KGD4: variants seen among roughly 807,000 people sequenced by gnomAD.
The protein encoded by KGD4 is alpha-ketoglutarate dehydrogenase component 4.
the KGD4 span, among the ~76,000 whole-genome samples, chr5:69,224,864 G>A: frequency 6.6e-6 from 1 of 151,904 alleles, no homozygotes; most frequent in East Asian, 2.0e-4. Context: ...CATGAGGTCA[G>A]GAGATTGAGA....
At chr5:69,217,963 C>G in the KGD4 span, 2 of 1,601,782 alleles carry the variant, frequency 1.2e-6, no homozygotes, top group African/African-American at 1.3e-5. Context: ...GTGGCAGAGG[C>G]AGAGCGGTGA....
the KGD4 span, among the ~76,000 whole-genome samples, chr5:69,219,336 GA>G: frequency 6.6e-6 from 1 of 151,886 alleles, no homozygotes; most frequent in Admixed American, 6.6e-5. Flanking sequence ...AATGTTCACA[GA>G]AAAAAAAGAG....
chr5:69,225,041 T>C, the KGD4 span, among the ~76,000 whole-genome samples: 2 of 142,340 alleles, frequency 1.4e-5, no homozygotes, highest in African/African-American at 2.6e-5. Context: ...GCCGCTGCAC[T>C]CCAGCCTGGG....
chr5:69,229,229 T>C, the KGD4 span: 2 of 1,609,280 alleles, frequency 1.2e-6, no homozygotes, highest in South Asian at 1.1e-5. Flanking sequence ...TGAATAACCA[T>C]GGTGGCTGCT....
At chr5:69,227,462 G>C in the KGD4 span, among the ~76,000 whole-genome samples, 2 of 151,888 alleles carry the variant, frequency 1.3e-5, no homozygotes, top group African/African-American at 2.4e-5. Context: ...ATTCTGAAAG[G>C]GTTCTGTTTT....
the KGD4 span, chr5:69,226,445 G>T: frequency 7.7e-7 from 1 of 1,293,840 alleles, no homozygotes; most frequent in Non-Finnish European, 1.1e-6. Flanking sequence ...TTGTGTACAT[G>T]AATATTTATA....
At chr5:69,224,902 G>A in the KGD4 span, among the ~76,000 whole-genome samples, 56 of 151,774 alleles carry the variant, frequency 3.7e-4, no homozygotes, top group African/African-American at 1.3e-3. Flanking sequence ...GTGAAACCCC[G>A]TCTCTACTAA....
the KGD4 span, among the ~76,000 whole-genome samples, chr5:69,220,934 G>A: frequency 1.8e-3 from 273 of 152,210 alleles, no homozygotes; most frequent in African/African-American, 6.2e-3. Context: ...AGGGTTAAAT[G>A]GATTAAGGGC....
At chr5:69,227,590 G>T in the KGD4 span, among the ~76,000 whole-genome samples, 4 of 152,068 alleles carry the variant, frequency 2.6e-5, no homozygotes, top group African/African-American at 9.7e-5. Flanking sequence ...AACTATTGAA[G>T]AATTAAGATG....
the KGD4 span, among the ~76,000 whole-genome samples, chr5:69,222,099 T>A: frequency 2.6e-5 from 4 of 151,632 alleles, no homozygotes; most frequent in Middle Eastern, 3.2e-3. Flanking sequence ...TGGCAACTGT[T>A]ACTTGGGCAT....
the KGD4 span, among the ~76,000 whole-genome samples, chr5:69,223,262 G>C: frequency 6.6e-6 from 1 of 151,242 alleles, no homozygotes. Flanking sequence ...TGTATTTTTA[G>C]TAGAGACGGG....
chr5:69,225,773 GT>G, the KGD4 span, among the ~76,000 whole-genome samples: 2 of 152,136 alleles, frequency 1.3e-5, no homozygotes, highest in South Asian at 2.1e-4. Flanking sequence ...TAGAGATGGG[GT>G]TTCACCATGT....
the KGD4 span, chr5:69,217,793 T>C: frequency 6.2e-7 from 1 of 1,608,996 alleles, no homozygotes; most frequent in Non-Finnish European, 8.5e-7. Context: ...TCGCCGCGGC[T>C]CGCTCGCGCC....
At chr5:69,223,589 A>C in the KGD4 span, among the ~76,000 whole-genome samples, 1 of 91,498 alleles carries the variant, frequency 1.1e-5, no homozygotes, top group African/African-American at 4.1e-5. Flanking sequence ...TATTCGTTAC[A>C]TAGCAATTTA....
the KGD4 span, among the ~76,000 whole-genome samples, chr5:69,225,567 CTTTTTTTT>C: frequency 8.3e-6 from 1 of 120,268 alleles, no homozygotes; most frequent in Non-Finnish European, 1.7e-5. Flanking sequence ...GCTCAGCCAC[CTTTTTTTT>C]TTTTTTTTTT....
the KGD4 span, among the ~76,000 whole-genome samples, chr5:69,223,070 G>A: frequency 3.9e-5 from 2 of 50,736 alleles, no homozygotes; most frequent in African/African-American, 2.1e-4. Context: ...GTCACGGTGC[G>A]CAGCTTTTTT....
chr5:69,222,714 T>C, the KGD4 span, among the ~76,000 whole-genome samples: 3 of 151,864 alleles, frequency 2.0e-5, no homozygotes, highest in Non-Finnish European at 4.4e-5. Context: ...AACTTCTAAA[T>C]AGGGGAGTGA....
the KGD4 span, among the ~76,000 whole-genome samples, chr5:69,220,736 G>A: frequency 6.6e-6 from 1 of 151,908 alleles, no homozygotes; most frequent in Non-Finnish European, 1.5e-5. Context: ...CGGTTTTGTC[G>A]AAAAGAAAAG....
At chr5:69,219,774 A>T in the KGD4 span, among the ~76,000 whole-genome samples, 1 of 152,186 alleles carries the variant, frequency 6.6e-6, no homozygotes, top group South Asian at 2.1e-4. Context: ...GCAGTGAACC[A>T]CAATCACCCC....
Sources: allele counts gnomAD v4.1 joint callset (sites outside exome capture counted in the v4.1 genomes callset), GRCh38; gene constraint gnomAD v4.1.1; transcripts MANE v1.5; gene names NCBI Gene and HGNC (gene_info 2026-07-23, HGNC 2026-07-21).